AKNA: variants seen among roughly 807,000 people sequenced by gnomAD.
The protein encoded by AKNA is AT-hook transcription factor.
Under a neutral mutation model 138.8 loss-of-function variants are expected in AKNA, and 67 were observed. The ratio of observed to expected loss-of-function variants is 0.48; its 90% confidence interval spans 0.40 to 0.59. AKNA has a LOEUF of 0.59. AKNA is among the 20% of genes least tolerant of loss of function. AKNA has a pLI of 0.00. For missense variants in AKNA, 1,813 were observed against 1,880.4 expected, an observed-to-expected ratio of 0.96 and a Z score of 0.66; for synonymous variants, 737 against 754.4, an observed-to-expected ratio of 0.98 and a Z score of 0.38.
Position 114,372,167 on chromosome 9 carries a change from TGA to T in AKNA, c.1416+1924_1416+1925del, listed in dbSNP as rs531607150. Among the ~76,000 whole-genome samples the T allele has an allele frequency of 7.9e-5, 12 of 152,198 alleles. No individual in the cohort carries two copies. The South Asian group carries it at 2.3e-3, about 29-fold the overall frequency. Reference sequence around the variant, plus strand: ...GAATGGTGCTCACACTTCTTGAGGCTGAGAGAGGGGTTGGGGGAGGGAGCAGA... The same window carrying T: ...GAATGGTGCTCACACTTCTTGAGGCTGAGAGGGGTTGGGGGAGGGAGCAGA... On this transcript the variant is annotated intron_variant, in intron 4 of 21. Coordinates refer to ENST00000374088, the MANE Select transcript of AKNA (RefSeq NM_001317950.2).
chr9:114,346,302 G>A (rs573012931), intron 17 of AKNA, among the ~76,000 whole-genome samples: 2 of 152,276 alleles, frequency 1.3e-5, no homozygotes, highest in South Asian at 2.1e-4. Flanking sequence ...TAAACAACTC[G>A]GCCAAGGACA....
At chr9:114,346,099 G>T (rs1588950283) in intron 17 of AKNA, 90 bp from the exon 18 acceptor site, 4 of 1,340,516 alleles carry the variant, frequency 3.0e-6, no homozygotes, top group Non-Finnish European at 3.1e-6. Flanking sequence ...TAGGCTCTGG[G>T]GTGGATGCCT....
chr9:114,381,493 C>G, intron 1 of AKNA, 47 bp from the exon 2 acceptor site: 4 of 1,316,968 alleles, frequency 3.0e-6, no homozygotes, highest in Non-Finnish European at 3.9e-6. Flanking sequence ...TCCTGATCCC[C>G]TCTTTTATTC....
At chr9:114,346,588 T>C in intron 17 of AKNA, 81 bp downstream of exon 17, 1 of 1,112,430 alleles carries the variant, frequency 9.0e-7, no homozygotes, top group Non-Finnish European at 1.3e-6. Flanking sequence ...CCTTGAATAC[T>C]GTTGCTGTGG....
chr9:114,381,377 G>A lies in AKNA; in HGVS notation c.-44C>T. 1.3e-6 allele frequency: 2 copies of A among 1,486,934 alleles called. No homozygotes were observed. Among genetic ancestry groups the A allele is most frequent in the Non-Finnish European group, 8.9e-7 (1 of 1,120,600 alleles). The allele number at this position is 1,486,934 out of a possible 1,614,324, so 92.1% of individuals were successfully genotyped here. A position where few individuals can be genotyped will look rare whatever the true frequency, so the allele number is the denominator to read the frequency against. On this transcript the variant is annotated 5_prime_UTR_variant, in exon 2 of 22. Transcript: ENST00000374088. ...CACCTGGGCCACTTCATCTTCAGGA[G>A]ACAGAGCTGCTGCCAGGGGCCCCAG... is the stretch of plus-strand genomic sequence containing the variant.
At chr9:114,382,763 A>G (rs1251517785) in intron 1 of AKNA, among the ~76,000 whole-genome samples, 1 of 152,194 alleles carries the variant, frequency 6.6e-6, no homozygotes, top group African/African-American at 2.4e-5. Flanking sequence ...TGGATAGGAA[A>G]TATCCAGGCA....
At chr9:114,365,510 C>A (rs1289566853) in intron 6 of AKNA, among the ~76,000 whole-genome samples, 1 of 151,920 alleles carries the variant, frequency 6.6e-6, no homozygotes, top group East Asian at 1.9e-4. Context: ...ATGTAAGGTT[C>A]GGTTTTAAGA....
At chr9:114,331,572 G>A (rs1564607657), downstream of AKNA, 1 of 1,613,552 alleles carries the variant, frequency 6.2e-7, no homozygotes, top group Non-Finnish European at 8.5e-7. Context: ...TCCAGAGGGA[G>A]GCCGAGAACA....
rs1589022008 is a variant in AKNA, at chr9:114,377,691, T to C, written c.275-159A>G. ...TAGACTTAGCCAAGTGCTTGTCTGATACCTGATCTGATTATCTCAGAGGTC... is the reference window on the plus strand; with the variant it reads ...TAGACTTAGCCAAGTGCTTGTCTGACACCTGATCTGATTATCTCAGAGGTC... On this transcript the variant is annotated intron_variant, in intron 2 of 21. Coordinates refer to ENST00000374088, the MANE Select transcript of AKNA (RefSeq NM_001317950.2). 4.0e-6 allele frequency: 3 copies of C among 743,872 alleles called. No homozygotes were observed. The East Asian group carries it at 8.3e-5, about 21-fold the overall frequency. 46.1% of individuals were successfully genotyped at this position (743,872 alleles called of 1,614,324 possible).
At chr9:114,358,494 C>T (rs1831669845) in intron 11 of AKNA, among the ~76,000 whole-genome samples, 2 of 152,194 alleles carry the variant, frequency 1.3e-5, no homozygotes, top group Admixed American at 1.3e-4. Context: ...CTTCCATCTA[C>T]TCCAAAGATT....
At chr9:114,384,909 T>C (rs1465164375) in intron 1 of AKNA, among the ~76,000 whole-genome samples, 1 of 152,170 alleles carries the variant, frequency 6.6e-6, no homozygotes, top group Non-Finnish European at 1.5e-5. Flanking sequence ...TGGAGTACAA[T>C]GGCAATCAGA....
At chr9:114,369,496 C>G (rs1353626123) in intron 4 of AKNA, among the ~76,000 whole-genome samples, 1 of 151,854 alleles carries the variant, frequency 6.6e-6, no homozygotes, top group Non-Finnish European at 1.5e-5. Context: ...CATGTGGGCT[C>G]TGCAGCTAGA....
In AKNA at chr9:114,337,113, T is replaced by C. The variant is rs1304893800; in HGVS notation, c.4261A>G (p.Ser1421Gly). The C allele has an allele frequency of 5.0e-6, 8 of 1,601,436 alleles. No individual in the cohort carries two copies. In the South Asian group the frequency reaches 6.7e-5, roughly 13 times the overall value. ...TGGCGCAGGTCGGCTGACAGCGAGC[T>C]TCTCATCTGCCTGGTGGTAGAGCGG... ...SVRSTTRQMR[S>G]SLSADLRQAH... is the part of the protein sequence containing the mutation. Residue 1421 changes from serine to glycine, a missense_variant, in exon 22 of 22, where the codon AGC becomes GGC. By Grantham distance (56) the Ser-to-Gly change is moderately conservative. Transcript: ENST00000374088.
chr9:114,350,334 A>G (rs116498254), intron 15 of AKNA, among the ~76,000 whole-genome samples: 3,063 of 152,268 alleles, frequency 0.02, 110 homozygotes, highest in African/African-American at 0.07. Flanking sequence ...CCCGGGACAG[A>G]CACCCACTCC....
intron 4 of AKNA, among the ~76,000 whole-genome samples, chr9:114,372,259 C>G (rs1331176211): frequency 6.6e-6 from 1 of 152,094 alleles, no homozygotes. Context: ...AGAACCATTT[C>G]TGGCCTCTCC....
At chr9:114,331,468 G>T, downstream of AKNA, 1 of 950,514 alleles carries the variant, frequency 1.1e-6, no homozygotes, top group Non-Finnish European at 1.6e-6. Flanking sequence ...TTCACTGATG[G>T]GCTTTGTGGC....
In AKNA at chr9:114,376,796, A is replaced by G; in HGVS notation, c.1011T>C (p.Thr337=). The change falls in exon 3 of 22, where the codon ACT becomes ACC. Residue 337 remains threonine, a synonymous_variant. Transcript: ENST00000374088. ...CATTAGAAGAGGAGCGGCCAGCCAG[A>G]GTGGCTCCCTGTCTGGGCAGCGGCC... ...QGRPLPRQGA[T]LAGRSSSNAP... 1.2e-6 allele frequency: 2 copies of G among 1,612,060 alleles called. No individual in the cohort carries two copies. Among genetic ancestry groups the G allele is most frequent in the Non-Finnish European group, 1.7e-6 (2 of 1,178,886 alleles).
At chr9:114,352,860 G>A (rs1172314485) in intron 14 of AKNA, among the ~76,000 whole-genome samples, 1 of 151,974 alleles carries the variant, frequency 6.6e-6, no homozygotes, top group Non-Finnish European at 1.5e-5. Flanking sequence ...GGTGGATGTT[G>A]CAGTGAGCAG....
At chr9:114,343,538 A>G (rs1830490849) in intron 19 of AKNA, among the ~76,000 whole-genome samples, 170 bp downstream of exon 19, 1 of 152,218 alleles carries the variant, frequency 6.6e-6, no homozygotes, top group Non-Finnish European at 1.5e-5. Flanking sequence ...CAGCACCTGA[A>G]GCAACAGATG....
Sources: gnomAD v4.1 joint callset for allele counts (sites outside exome capture counted in the v4.1 genomes callset) on GRCh38, gnomAD v4.1.1 for gene constraint, MANE v1.5 for transcripts, NCBI Gene and HGNC (gene_info 2026-07-23, HGNC 2026-07-21) for gene names.